Variants in RIN3 observed in about 807,000 individuals in gnomAD.
RIN3 encodes Ras and Rab interactor 3.
In RIN3, 54 loss-of-function variants were observed where a neutral mutation model predicts 76.3. The ratio of observed to expected loss-of-function variants is 0.71; its 90% CI spans 0.57 to 0.89. RIN3 has a LOEUF of 0.89. Among genes scored for constraint, RIN3 ranks in the 40% least tolerant of loss-of-function variants. RIN3 has a pLI of 0.00. For synonymous variants in RIN3, 576 were observed against 564.0 expected (o/e 1.02, Z -0.30); for missense variants, 1,256 against 1,322.1 (o/e 0.95, Z 0.78).
intron 4 of RIN3, among the ~76,000 whole-genome samples, chr14:92,621,428 G>A (rs933463952): frequency 6.6e-6 from 1 of 152,094 alleles, no homozygotes; most frequent in Non-Finnish European, 1.5e-5. Flanking sequence ...GGTGGTTGGG[G>A]TGCAGCTTGG....
At chr14:92,610,697 C>T in intron 3 of RIN3, among the ~76,000 whole-genome samples, 1 of 152,114 alleles carries the variant, frequency 6.6e-6, no homozygotes, top group East Asian at 1.9e-4. Flanking sequence ...TGCAGGGATT[C>T]TCTGTGCAGG....
intron 7 of RIN3, among the ~76,000 whole-genome samples, chr14:92,659,694 C>T (rs917432734): frequency 6.6e-6 from 1 of 152,218 alleles, no homozygotes; most frequent in Non-Finnish European, 1.5e-5. Context: ...TGGAGGCAAG[C>T]AAGGAAGCCA....
At chr14:92,553,924 T>C (rs1259937128) in intron 1 of RIN3, among the ~76,000 whole-genome samples, 1 of 152,096 alleles carries the variant, frequency 6.6e-6, no homozygotes, top group Non-Finnish European at 1.5e-5. Flanking sequence ...GGTTCCACTT[T>C]CCTGTGCCCT....
At chr14:92,595,151 C>G (rs1023498938) in intron 3 of RIN3, among the ~76,000 whole-genome samples, 1 of 152,190 alleles carries the variant, frequency 6.6e-6, no homozygotes, top group African/African-American at 2.4e-5. Context: ...CAAATCTAGT[C>G]AAGGAGGCAG....
intron 6 of RIN3, among the ~76,000 whole-genome samples, chr14:92,657,043 G>A (rs1887695734): frequency 6.6e-6 from 1 of 152,166 alleles, no homozygotes; most frequent in Non-Finnish European, 1.5e-5. Context: ...GTCAGATGGT[G>A]AAGGAACTTA....
intron 7 of RIN3, among the ~76,000 whole-genome samples, chr14:92,675,115 G>T (rs59648094): frequency 0.013 from 2,037 of 152,204 alleles, 49 homozygotes; most frequent in African/African-American, 0.045. Context: ...CAAGAAATAG[G>T]TATATTTTTT....
chr14:92,657,594 G>A (rs1429061401), intron 6 of RIN3, among the ~76,000 whole-genome samples: 1 of 152,188 alleles, frequency 6.6e-6, no homozygotes, highest in Non-Finnish European at 1.5e-5. Context: ...CAGGAAACAG[G>A]CCCTGGGAGG....
intron 3 of RIN3, among the ~76,000 whole-genome samples, chr14:92,588,441 G>A (rs1884859613): frequency 6.6e-6 from 1 of 151,846 alleles, no homozygotes; most frequent in Admixed American, 6.6e-5. Flanking sequence ...GATCAGGCTG[G>A]TCTTGAATTC....
intron 1 of RIN3, among the ~76,000 whole-genome samples, chr14:92,527,114 G>C (rs532484791): frequency 7.0e-6 from 1 of 143,264 alleles, no homozygotes; most frequent in South Asian, 2.2e-4. Context: ...GCAGTGGCAC[G>C]ATCTCAGCTC....
Position 92,548,009 on chromosome 14 carries a change from A to G in RIN3, c.45-7742A>G, listed in dbSNP as rs140734448. Among the ~76,000 whole-genome samples the G allele has an allele frequency of 5.5e-3, 842 of 152,282 alleles. 25 individuals carry two copies. The highest frequency in any genetic ancestry group is 0.052 in the East Asian group (269 of 5,180). Reference sequence around the variant, plus strand: ...ATGAGTCACCGCACCTGGCCTATTTAAGATGATTTTAAATCATGTTAGCAA... The same window carrying G: ...ATGAGTCACCGCACCTGGCCTATTTGAGATGATTTTAAATCATGTTAGCAA... On this transcript the variant is annotated intron_variant, in intron 1 of 9. Transcript: ENST00000216487.
intron 1 of RIN3, among the ~76,000 whole-genome samples, chr14:92,541,625 C>T (rs988828261): frequency 6.6e-6 from 1 of 152,154 alleles, no homozygotes; most frequent in South Asian, 2.1e-4. Context: ...TAAAGTCAGA[C>T]CCCTACCTCA....
chr14:92,624,675 C>T (rs905301413), intron 4 of RIN3, among the ~76,000 whole-genome samples: 1 of 152,032 alleles, frequency 6.6e-6, no homozygotes, highest in East Asian at 1.9e-4. Flanking sequence ...AAACAAGCAT[C>T]GAAGGTAATG....
intron 4 of RIN3, among the ~76,000 whole-genome samples, chr14:92,636,879 G>C (rs1408424409): frequency 6.9e-6 from 1 of 145,974 alleles, no homozygotes; most frequent in Non-Finnish European, 1.5e-5. Context: ...ATGTGACCCT[G>C]TCTCTTCAAA....
intron 1 of RIN3, among the ~76,000 whole-genome samples, chr14:92,554,789 G>A (rs538490380): frequency 6.6e-6 from 1 of 152,246 alleles, no homozygotes; most frequent in East Asian, 1.9e-4. Context: ...CGGGCATGGT[G>A]GTGCACGCCT....
intron 6 of RIN3, 64 bp downstream of exon 6, chr14:92,653,139 C>A (rs1887537622): frequency 6.7e-7 from 1 of 1,499,192 alleles, no homozygotes; most frequent in African/African-American, 1.4e-5. Flanking sequence ...CTCAGGAACC[C>A]CTTAGGACAA....
At chr14:92,666,592 A>G (rs919316619) in intron 7 of RIN3, among the ~76,000 whole-genome samples, 8 of 152,092 alleles carry the variant, frequency 5.3e-5, no homozygotes, top group African/African-American at 1.9e-4. Context: ...GGGATTCTTC[A>G]TGGACTTCAT....
chr14:92,550,710 ACAGCGCC>A (rs1032523416), intron 1 of RIN3, among the ~76,000 whole-genome samples: 2 of 152,222 alleles, frequency 1.3e-5, no homozygotes, highest in Non-Finnish European at 2.9e-5. Context: ...GGCGTGAGCC[ACAGCGCC>A]CAGCTTATTA....
At chr14:92,673,872 A>G (rs143964885) in intron 7 of RIN3, among the ~76,000 whole-genome samples, 14 of 152,366 alleles carry the variant, frequency 9.2e-5, no homozygotes, top group African/African-American at 3.4e-4. Context: ...CAACAGGAGC[A>G]GTCATTTCCA....
chr14:92,639,923 G>A (rs200443266), intron 4 of RIN3, among the ~76,000 whole-genome samples: 17 of 139,458 alleles, frequency 1.2e-4, no homozygotes, highest in East Asian at 8.3e-4. Flanking sequence ...TGCGTTCGTC[G>A]GGGGCTGCCT....
Sources: gnomAD v4.1 joint callset for allele counts (sites outside exome capture counted in the v4.1 genomes callset) on GRCh38, gnomAD v4.1.1 for gene constraint, MANE v1.5 for transcripts, NCBI Gene and HGNC (gene_info 2026-07-23, HGNC 2026-07-21) for gene names.